ENOX1: variants seen among roughly 807,000 people sequenced by gnomAD.
The protein encoded by ENOX1 is ecto-NOX disulfide-thiol exchanger 1.
A neutral mutation model predicts 82.5 loss-of-function variants in ENOX1; 42 were observed. That is an observed-to-expected ratio of 0.51 (90% CI 0.40 to 0.66). The LOEUF (loss-of-function observed/expected upper bound fraction) is 0.66. Ranked by LOEUF, ENOX1 falls within the 30% of genes least tolerant of loss-of-function variation. The probability of loss-of-function intolerance (pLI) is 0.00; values close to 1 mark genes in which losing one functional copy is unlikely to be tolerated. For synonymous variants in ENOX1, 271 were observed against 282.2 expected (o/e 0.96, Z 0.40); for missense variants, 608 against 811.6 (o/e 0.75, Z 3.05).
chr13:43,355,966 A>G lies in ENOX1; in HGVS notation c.776T>C (p.Met259Thr), dbSNP rs1354169651. ...AGCGGCTTCGTGCTCCGAGTAGTGC[A>G]TTATGGCAGGCGGGGATGGGGGCCT... ...RLRPPSPPAI[M>T]HYSEHEAALL... The change falls in exon 8 of 17, where the codon ATG becomes ACG. Residue 259 changes from methionine to threonine, a missense_variant. By Grantham distance (81) the Met-to-Thr change is moderately conservative. Transcript: ENST00000690772. The G allele has an allele frequency of 1.2e-6, 2 of 1,613,952 alleles. No individual in the cohort carries two copies. The highest frequency in any genetic ancestry group is 2.7e-5 in the African/African-American group (2 of 74,950).
intron 1 of ENOX1, among the ~76,000 whole-genome samples, chr13:43,746,759 A>G (rs1165173288): frequency 1.3e-5 from 2 of 152,156 alleles, no homozygotes; most frequent in East Asian, 3.8e-4. Flanking sequence ...AAACTGGAGG[A>G]AAGTACACAG....
chr13:43,413,801 TC>T (rs1435757955), intron 3 of ENOX1, among the ~76,000 whole-genome samples: 1 of 150,274 alleles, frequency 6.7e-6, no homozygotes, highest in African/African-American at 2.4e-5. Context: ...ACAAAGTTCT[TC>T]TCAATCTCAC....
Position 43,305,954 on chromosome 13 carries a change from C to A in ENOX1, c.1262-7424G>T, listed in dbSNP as rs187773147. On this transcript the variant is annotated intron_variant, in intron 11 of 16. Transcript: ENST00000690772. The stretch of plus-strand genomic sequence containing the variant: ...CAGGGCAGGGAAGCAGAGCTCTCAG[C>A]CCCTGCCCAGCCTGGCCTGCGCAGC... 1.4e-3 allele frequency among the ~76,000 whole-genome samples: 219 copies of A among 152,306 alleles called. 2 individuals carry two copies. Among genetic ancestry groups the A allele is most frequent in the Middle Eastern group, 0.014 (4 of 294 alleles).
intron 3 of ENOX1, among the ~76,000 whole-genome samples, chr13:43,414,018 C>G (rs1378328866): frequency 6.6e-6 from 1 of 151,856 alleles, no homozygotes; most frequent in Non-Finnish European, 1.5e-5. Context: ...AAACCATGTT[C>G]CTGTTAATGA....
At chr13:43,657,183 C>A (rs987744566) in intron 2 of ENOX1, among the ~76,000 whole-genome samples, 10 of 152,156 alleles carry the variant, frequency 6.6e-5, no homozygotes, top group African/African-American at 2.2e-4. Context: ...TCTGGAAGAT[C>A]CAATAAGACT....
intron 2 of ENOX1, among the ~76,000 whole-genome samples, chr13:43,631,350 C>A (rs745752971): frequency 1.9e-4 from 29 of 152,200 alleles, no homozygotes; most frequent in Non-Finnish European, 3.4e-4. Flanking sequence ...AAAGAGATTG[C>A]AGATTCTGCA....
intron 14 of ENOX1, among the ~76,000 whole-genome samples, chr13:43,262,888 A>G (rs2044159123): frequency 6.6e-6 from 1 of 152,204 alleles, no homozygotes; most frequent in Non-Finnish European, 1.5e-5. Flanking sequence ...AGGAAGGTGA[A>G]GTTCAGAAAT....
chr13:43,471,732 C>A (rs1337491650), intron 3 of ENOX1, among the ~76,000 whole-genome samples: 3 of 151,446 alleles, frequency 2.0e-5, no homozygotes, highest in African/African-American at 7.3e-5. Context: ...ATGGTGTAAG[C>A]CCAGGAGGCG....
intron 13 of ENOX1, among the ~76,000 whole-genome samples, chr13:43,267,117 G>C (rs1004887823): frequency 6.6e-6 from 1 of 152,070 alleles, no homozygotes; most frequent in African/African-American, 2.4e-5. Flanking sequence ...ACCCCTCCCC[G>C]CTGCAGCCCA....
chr13:43,597,545 G>C lies in ENOX1; in HGVS notation c.-219+69934C>G, dbSNP rs1028400275. On this transcript the variant is annotated intron_variant, in intron 2 of 16. Coordinates refer to ENST00000690772, the MANE Select transcript of ENOX1 (RefSeq NM_001347969.2). ...GATTACAACCACATCTAACCACCCA[G>C]GTCAAAATCACAACCATCTCTCACC... 2.6e-5 allele frequency among the ~76,000 whole-genome samples: 4 copies of C among 152,100 alleles called. No homozygotes were observed. In the South Asian group the frequency reaches 6.2e-4, roughly 24 times the overall value.
At chr13:43,550,469 G>A (rs900873937) in intron 2 of ENOX1, among the ~76,000 whole-genome samples, 1 of 152,136 alleles carries the variant, frequency 6.6e-6, no homozygotes, top group African/African-American at 2.4e-5. Context: ...TAAGTAGGGA[G>A]AGAACCACAT....
At chr13:43,253,595 G>T (rs1024513196) in intron 14 of ENOX1, among the ~76,000 whole-genome samples, 3 of 152,206 alleles carry the variant, frequency 2.0e-5, no homozygotes, top group African/African-American at 7.2e-5. Context: ...TAGCAGAAAT[G>T]AAGTGGTGCG....
chr13:43,241,336 G>A (rs1345143295), intron 14 of ENOX1, among the ~76,000 whole-genome samples: 1 of 152,196 alleles, frequency 6.6e-6, no homozygotes, highest in African/African-American at 2.4e-5. Context: ...AGAATGATGA[G>A]TCTACCAGAT....
At chr13:43,449,269 T>G (rs764960525) in intron 3 of ENOX1, among the ~76,000 whole-genome samples, 1 of 152,164 alleles carries the variant, frequency 6.6e-6, no homozygotes, top group African/African-American at 2.4e-5. Context: ...ATTAGGTTTC[T>G]TGGAAAAGGG....
Position 43,300,644 on chromosome 13 carries a change from G to A in ENOX1, c.1262-2114C>T, listed in dbSNP as rs144444663. On this transcript the variant is annotated intron_variant, in intron 11 of 16. Transcript: ENST00000690772. The stretch of plus-strand genomic sequence containing the variant: ...AAGCAGTGAGAGAAAGGGAATCCAC[G>A]TCAGGTGATGGGAGAAGATGGGGAA... Among the ~76,000 whole-genome samples the A allele has an allele frequency of 2.0e-4, 30 of 152,344 alleles. No homozygotes were observed. In the East Asian group the frequency reaches 4.4e-3, roughly 23 times the overall value.
At chr13:43,545,733 T>C (rs2078945629) in intron 2 of ENOX1, 1 of 152,248 alleles carries the variant, frequency 6.6e-6, no homozygotes, top group Non-Finnish European at 1.5e-5. Context: ...ACAGTGTGCA[T>C]GTTCCCCAGG....
intron 2 of ENOX1, among the ~76,000 whole-genome samples, chr13:43,518,507 G>A (rs556700928): frequency 7.9e-5 from 12 of 152,048 alleles, no homozygotes; most frequent in African/African-American, 2.2e-4. Context: ...GCAATACTCA[G>A]CATTATTTTA....
intron 5 of ENOX1, among the ~76,000 whole-genome samples, chr13:43,387,187 G>A (rs772723098): frequency 1.3e-5 from 2 of 152,158 alleles, no homozygotes; most frequent in Non-Finnish European, 2.9e-5. Flanking sequence ...ATAATCAAAA[G>A]GTAAAGAAAG....
chr13:43,725,802 C>CA (rs753589184), intron 1 of ENOX1, among the ~76,000 whole-genome samples: 5,266 of 97,274 alleles, frequency 0.054, 320 homozygotes, highest in African/African-American at 0.17. Flanking sequence ...CTCGTCTCTA[C>CA]AAAAAAAAAA....
Sources: allele counts gnomAD v4.1 joint callset (sites outside exome capture counted in the v4.1 genomes callset), GRCh38; gene constraint gnomAD v4.1.1; transcripts MANE v1.5; gene names NCBI Gene and HGNC (gene_info 2026-07-23, HGNC 2026-07-21).